Variants in CSF1R observed in about 807,000 individuals in gnomAD.
CSF1R encodes the protein colony stimulating factor 1 receptor, also known as macrophage colony-stimulating factor 1 receptor.
Under a neutral mutation model 110.0 loss-of-function variants are expected in CSF1R, and 40 were observed. The ratio of observed to expected loss-of-function variants is 0.36; its 90% CI spans 0.28 to 0.47. The LOEUF (loss-of-function observed/expected upper bound fraction) is 0.47. Ranked by LOEUF, CSF1R falls within the 20% of genes least tolerant of loss-of-function variation. The probability of loss-of-function intolerance (pLI) is 0.99; values close to 1 mark genes in which losing one functional copy is unlikely to be tolerated. For missense variants in CSF1R, 1,052 were observed against 1,253.0 expected, an observed-to-expected ratio of 0.84 and a Z score of 2.42; for synonymous variants, 523 against 503.4, an observed-to-expected ratio of 1.04 and a Z score of -0.52.
At chr5:150,070,364 ACC>A in intron 7 of CSF1R, 62 bp from the exon 8 acceptor site, 1 of 1,595,876 alleles carries the variant, frequency 6.3e-7, no homozygotes. Context: ...ATCTCCCAGT[ACC>A]TACTTCCCTG....
intron 1 of CSF1R, among the ~76,000 whole-genome samples, chr5:150,096,554 C>T (rs1481958581): frequency 1.3e-5 from 2 of 151,914 alleles, no homozygotes; most frequent in African/African-American, 4.8e-5. Context: ...GACCAATATC[C>T]CTTATGAAAA....
At chr5:150,062,940 T>C (rs1757594484) in intron 10 of CSF1R, among the ~76,000 whole-genome samples, 1 of 152,050 alleles carries the variant, frequency 6.6e-6, no homozygotes, top group Admixed American at 6.5e-5. Context: ...AAGGCAGCCA[T>C]CATGGCTTGA....
At chr5:150,095,188 T>C in intron 1 of CSF1R, 1 of 613,248 alleles carries the variant, frequency 1.6e-6, no homozygotes, top group South Asian at 2.1e-5. Flanking sequence ...AGGAGAGATA[T>C]AAAAATCTCT....
chr5:150,077,602 A>G (rs1453619208), intron 4 of CSF1R, among the ~76,000 whole-genome samples, 167 bp from the exon 5 acceptor site: 1 of 152,102 alleles, frequency 6.6e-6, no homozygotes, highest in Non-Finnish European at 1.5e-5. Flanking sequence ...GACTGTAGTG[A>G]GGAGTAAATG....
upstream of CSF1R, among the ~76,000 whole-genome samples, chr5:150,088,144 T>C (rs1758917621): frequency 6.6e-6 from 1 of 152,208 alleles, no homozygotes; most frequent in South Asian, 2.1e-4. Flanking sequence ...TGTTTGTATG[T>C]ATATTTATGA....
At chr5:150,059,570 G>T in intron 14 of CSF1R, 130 bp downstream of exon 14, 1 of 1,061,516 alleles carries the variant, frequency 9.4e-7, no homozygotes, top group Non-Finnish European at 1.4e-6. Context: ...TACTTCCCAT[G>T]ACACAGGTGG....
chr5:150,097,400 GAAGA>G (rs1759261298), intron 1 of CSF1R, among the ~76,000 whole-genome samples: 1 of 147,284 alleles, frequency 6.8e-6, no homozygotes, highest in South Asian at 2.1e-4. Flanking sequence ...AAGGAAAGAA[GAAGA>G]AAGAAAGAAA....
At position 150,080,271 on chromosome 5, in the gene CSF1R, G is replaced by T. The variant is rs1244467205; in HGVS notation, c.373C>A (p.Leu125Met). ...ACCGGGTCTGTGAGCAGACAGGGCA[G>T]TAGTGCGTCCTGGTCCTCGAACACG... ...VVVFEDQDALLPCLLTDPVLE... is the reference protein window; with the variant it reads ...VVVFEDQDALMPCLLTDPVLE... The change falls in exon 3 of 21, where the codon CTG (leucine) becomes ATG (methionine). Residue 125 changes from leucine to methionine, a missense_variant. By Grantham distance (15) the Leu-to-Met change is conservative (BLOSUM62 2). Around this residue, in one of 5 missense-constraint regions of CSF1R, gnomAD observed 693 missense variants for 735.4 expected, o/e 0.94. Coordinates refer to ENST00000675795, the MANE Select transcript of CSF1R (RefSeq NM_001288705.3). 2 of 1,613,924 alleles carry T rather than the reference G, an allele frequency of 1.2e-6. No individual in the cohort carries two copies. The highest frequency in any genetic ancestry group is 2.7e-5 in the African/African-American group (2 of 74,946).
At position 150,055,355 on chromosome 5, in the gene CSF1R, G is replaced by T. The variant is rs768478499; in HGVS notation, c.2555-19C>A. ...TTCAGCCCTGCAAAGGCCAAGATCA[G>T]GTAAGAGGCCATGCCCATTGTCTTC... On this transcript the variant is annotated intron_variant, in intron 18 of 20. Coordinates refer to ENST00000675795, the MANE Select transcript of CSF1R (RefSeq NM_001288705.3). The T allele has an allele frequency of 6.2e-7, 1 of 1,604,078 alleles. No homozygotes were observed. The highest frequency in any genetic ancestry group is 1.3e-5 in the African/African-American group (1 of 74,854).
In CSF1R at chr5:150,109,058, G is replaced by GCCCC. The variant is rs60014782; in HGVS notation, c.-181+4199_-181+4202dup. Among the ~76,000 whole-genome samples, 363 of 119,564 alleles carry GCCCC rather than the reference G, an allele frequency of 3.0e-3. 2 individuals carry two copies. Among genetic ancestry groups the GCCCC allele is most frequent in the African/African-American group, 5.3e-3 (165 of 30,932 alleles). The allele number at this position is 119,564 out of a possible 152,430, so 78.4% of individuals were successfully genotyped here. A position where few individuals can be genotyped will look rare whatever the true frequency, so the allele number is the denominator to read the frequency against. The stretch of plus-strand genomic sequence containing the variant: ...AGAACCCCATCCCAAGGAGAAGCCC[G>GCCCC]CCCCCCCCCCACCACCCAAGAAATT... On this transcript the variant is annotated intron_variant, in intron 1 of 21. Transcript: ENST00000286301.
At chr5:150,082,380 T>A (rs996061967) in intron 1 of CSF1R, among the ~76,000 whole-genome samples, 2 of 152,218 alleles carry the variant, frequency 1.3e-5, no homozygotes, top group Admixed American at 1.3e-4. Flanking sequence ...ATGGCTTAAT[T>A]CACGTTTTGA....
intron 17 of CSF1R, 35 bp from the exon 18 acceptor site, chr5:150,056,172 A>C (rs1325988762): frequency 6.2e-7 from 1 of 1,613,538 alleles, no homozygotes; most frequent in East Asian, 2.2e-5. Flanking sequence ...TTGGGCCCCG[A>C]CTCTTCACCC....
In CSF1R at chr5:150,070,106, C is replaced by T. The variant is rs767004994; in HGVS notation, c.1320-43G>A. On this transcript the variant is annotated intron_variant, in intron 8 of 20. Transcript: ENST00000675795. ...TGGCTCAGAGCTTCAGGGTTCCCAG[C>T]GCCAGCATGTCCCTCCCACTCACAG... 58 of 1,608,588 alleles carry T rather than the reference C, an allele frequency of 3.6e-5. 1 individual carries two copies. In the Admixed American group the frequency reaches 6.5e-4, roughly 18 times the overall value.
chr5:150,100,019 C>T (rs998965530), intron 1 of CSF1R, among the ~76,000 whole-genome samples: 3 of 152,080 alleles, frequency 2.0e-5, no homozygotes, highest in African/African-American at 7.2e-5. Flanking sequence ...TTGATGTTGG[C>T]TCACAGATAG....
chr5:150,057,089 CCCAGCCCCAGAGCT>C (rs1481453487), intron 16 of CSF1R, among the ~76,000 whole-genome samples, 184 bp downstream of exon 16: 4 of 152,076 alleles, frequency 2.6e-5, no homozygotes, highest in African/African-American at 9.7e-5. Flanking sequence ...GACACAGGTG[CCCAGCCCCAGAGCT>C]CCAGCCCTGG....
intron 14 of CSF1R, 78 bp from the exon 15 acceptor site, chr5:150,057,670 C>A (rs1757293656): frequency 9.6e-7 from 1 of 1,044,044 alleles, no homozygotes; most frequent in Admixed American, 1.8e-5. Context: ...GACCACCCAC[C>A]ACCCCATGGT....
chr5:150,092,587 G>A (rs575435365), intron 1 of CSF1R, among the ~76,000 whole-genome samples: 12 of 152,322 alleles, frequency 7.9e-5, no homozygotes, highest in African/African-American at 1.2e-4. Context: ...GGCAAAGGAG[G>A]AGCAGAATCA....
At chr5:150,093,373 C>T (rs1031631795) in intron 1 of CSF1R, among the ~76,000 whole-genome samples, 13 of 152,202 alleles carry the variant, frequency 8.5e-5, no homozygotes, top group Admixed American at 3.3e-4. Context: ...GCCACAGCAC[C>T]GGCCCTCATG....
intron 1 of CSF1R, among the ~76,000 whole-genome samples, chr5:150,091,762 G>A (rs1759046296): frequency 6.8e-6 from 1 of 146,946 alleles, no homozygotes; most frequent in Admixed American, 7.1e-5. Context: ...TTTATGTTAT[G>A]TGAATTTTAT....
Sources: gnomAD v4.1 joint callset for allele counts (sites outside exome capture counted in the v4.1 genomes callset) on GRCh38, gnomAD v4.1.1 for gene constraint, gnomAD v4.1.1 regional missense constraint, MANE v1.5 for transcripts, NCBI Gene and HGNC (gene_info 2026-07-23, HGNC 2026-07-21) for gene names.